PTDSS1: variants seen among roughly 807,000 people sequenced by gnomAD.
PTDSS1 encodes phosphatidylserine synthase 1.
A neutral mutation model predicts 70.5 loss-of-function variants in PTDSS1; 45 were observed. That is an observed-to-expected ratio of 0.64 (90% confidence interval 0.50 to 0.82). PTDSS1 has a LOEUF of 0.82. Among genes scored for constraint, PTDSS1 ranks in the 40% least tolerant of loss-of-function variants. The pLI, the probability that PTDSS1 is intolerant of heterozygous loss-of-function variation, is 0.00. For synonymous variants in PTDSS1, 188 were observed against 203.8 expected (o/e 0.92, Z 0.66); for missense variants, 417 against 586.1 (o/e 0.71, Z 2.98).
chr8:96,292,907 T>C (rs976951592), intron 4 of PTDSS1, among the ~76,000 whole-genome samples: 2 of 152,182 alleles, frequency 1.3e-5, no homozygotes, highest in African/African-American at 4.8e-5. Flanking sequence ...AAGCAAATAA[T>C]TTCCAAAGAG....
intron 8 of PTDSS1, 27 bp downstream of exon 8, chr8:96,306,583 T>C (rs759918491): frequency 7.3e-6 from 11 of 1,509,852 alleles, no homozygotes; most frequent in Non-Finnish European, 1.0e-5. Flanking sequence ...CTGACTGTCA[T>C]ATGAGAACAT....
rs1476854796 is a variant in PTDSS1 at position 96,304,141 on chromosome 8, A to G, written c.854A>G (p.Gln285Arg). Residue 285 changes from glutamine (Q) to arginine (R), a missense_variant, in exon 7 of 13, where the codon CAG (glutamine) becomes CGG (arginine). Physicochemically the swap from Gln to Arg is conservative, Grantham distance 43. This residue lies in a region of PTDSS1 where 272 missense variants were observed against 429.5 expected (regional missense o/e 0.63). Transcript: ENST00000517309. ...VRWFDPKSSF[Q>R]RVAGVYLFMI... ...TGGTTTGACCCCAAATCTTCTTTTCAGAGAGTAGCTGGAGTGTACCTTTTC... is the reference window on the plus strand; with the variant it reads ...TGGTTTGACCCCAAATCTTCTTTTCGGAGAGTAGCTGGAGTGTACCTTTTC... 1.9e-6 allele frequency: 3 copies of G among 1,614,036 alleles called. No homozygotes were observed. The highest frequency in any genetic ancestry group is 8.5e-7 in the Non-Finnish European group (1 of 1,179,962).
At chr8:96,275,358 A>C (rs2130014575) in intron 2 of PTDSS1, among the ~76,000 whole-genome samples, 1 of 152,212 alleles carries the variant, frequency 6.6e-6, no homozygotes, top group South Asian at 2.1e-4. Context: ...ATGGGGTCTC[A>C]CTATGTTGCC....
At position 96,325,635 on chromosome 8, in the gene PTDSS1, T is replaced by C. The variant is rs555987160; in HGVS notation, c.1174-4578T>C. 7.9e-5 allele frequency among the ~76,000 whole-genome samples: 12 copies of C among 152,250 alleles called. No individual in the cohort carries two copies. In the East Asian group the frequency reaches 1.9e-3, roughly 24 times the overall value. The stretch of plus-strand genomic sequence containing the variant: ...GCCTCTGCGGCTGTCAGGACACCCA[T>C]TTTCTTGCCATTCTGCCCTCCAAAT... On this transcript the variant is annotated intron_variant, in intron 10 of 12. Coordinates refer to ENST00000517309, the MANE Select transcript of PTDSS1 (RefSeq NM_014754.3).
intron 4 of PTDSS1, chr8:96,287,371 CA>C (rs1384310590): frequency 1.9e-6 from 1 of 521,296 alleles, no homozygotes; most frequent in Non-Finnish European, 3.3e-6. Flanking sequence ...AGGAAGAATG[CA>C]CACTTTATCG....
intron 9 of PTDSS1, 30 bp from the exon 10 acceptor site, chr8:96,320,216 A>C: frequency 6.5e-7 from 1 of 1,528,530 alleles, no homozygotes; most frequent in Non-Finnish European, 9.1e-7. Context: ...AGATGGATTA[A>C]TACTTAACCT....
intron 10 of PTDSS1, among the ~76,000 whole-genome samples, chr8:96,329,237 C>T (rs914267875): frequency 2.0e-5 from 3 of 152,180 alleles, no homozygotes; most frequent in African/African-American, 7.2e-5. Flanking sequence ...GGAGGCTCAA[C>T]AGCCAGGATG....
chr8:96,291,353 T>C (rs777422422), intron 4 of PTDSS1, among the ~76,000 whole-genome samples: 3 of 152,202 alleles, frequency 2.0e-5, no homozygotes, highest in Non-Finnish European at 4.4e-5. Context: ...AGTGTCAGTA[T>C]TATTGACACA....
At chr8:96,328,967 G>T (rs1250362499) in intron 10 of PTDSS1, among the ~76,000 whole-genome samples, 7 of 152,154 alleles carry the variant, frequency 4.6e-5, no homozygotes, top group Non-Finnish European at 8.8e-5. Context: ...CAGATCCGGG[G>T]GTTTCAAGAG....
intron 12 of PTDSS1, among the ~76,000 whole-genome samples, chr8:96,332,367 G>A (rs1262687861): frequency 1.3e-5 from 2 of 152,140 alleles, no homozygotes; most frequent in Admixed American, 6.5e-5. Context: ...TCAGAGAAAC[G>A]GTGGGCCAAT....
chr8:96,294,949 C>T (rs1226520372), intron 4 of PTDSS1, 149 bp from the exon 5 acceptor site: 4 of 709,660 alleles, frequency 5.6e-6, no homozygotes, highest in South Asian at 2.8e-5. Context: ...CCCTCAAGGC[C>T]CTTAAGTTAT....
intron 4 of PTDSS1, among the ~76,000 whole-genome samples, chr8:96,291,534 A>G (rs1247648390): frequency 6.6e-6 from 1 of 151,856 alleles, no homozygotes; most frequent in Non-Finnish European, 1.5e-5. Flanking sequence ...CGCTTCGTAA[A>G]TGTTCTGTAT....
chr8:96,270,886 T>C (rs1384591256), intron 1 of PTDSS1, among the ~76,000 whole-genome samples: 3 of 152,216 alleles, frequency 2.0e-5, no homozygotes, highest in South Asian at 4.1e-4. Context: ...AAAACTGCCA[T>C]TTCATTGGTT....
At chr8:96,298,784 C>A (rs189851185) in intron 5 of PTDSS1, among the ~76,000 whole-genome samples, 7 of 152,158 alleles carry the variant, frequency 4.6e-5, no homozygotes, top group Non-Finnish European at 7.4e-5. Context: ...GGATAAACAT[C>A]TGATCCCAGC....
At position 96,262,543 on chromosome 8, in the gene PTDSS1, CCCT is replaced by C. The variant is rs1363483092; in HGVS notation, c.179+329_179+331del. ...CTCCACACAACATCACGACGCGGGC[CCCT>C]CCTCTGCACTGCTCCAGCCTTCGTC... is the stretch of plus-strand genomic sequence containing the variant. On this transcript the variant is annotated intron_variant, in intron 1 of 12. Coordinates refer to ENST00000517309, the MANE Select transcript of PTDSS1 (RefSeq NM_014754.3). This position sits in a 1 kb window ranked among gnomAD's most constrained non-coding sequence, Gnocchi z 4.4. Among the ~76,000 whole-genome samples the C allele has an allele frequency of 6.6e-6, 1 of 152,160 alleles. No individual in the cohort carries two copies. Among genetic ancestry groups the C allele is most frequent in the Non-Finnish European group, 1.5e-5 (1 of 68,018 alleles).
chr8:96,291,365 G>GCC (rs1322929705), intron 4 of PTDSS1, among the ~76,000 whole-genome samples: 1 of 151,968 alleles, frequency 6.6e-6, no homozygotes. Context: ...ATTGACACAG[G>GCC]CCCAAACTTG....
At chr8:96,333,372 C>G (rs1257608162) in intron 12 of PTDSS1, 85 bp from the exon 13 acceptor site, 1 of 1,238,726 alleles carries the variant, frequency 8.1e-7, no homozygotes, top group Admixed American at 1.8e-5. Flanking sequence ...AACCTGTTCC[C>G]CGGCAAGCCT....
intron 2 of PTDSS1, among the ~76,000 whole-genome samples, chr8:96,278,158 T>C (rs1329830908): frequency 4.6e-5 from 7 of 152,198 alleles, no homozygotes; most frequent in Non-Finnish European, 1.0e-4. Context: ...TTTACTTGAG[T>C]AGAGACCCCT....
intron 1 of PTDSS1, among the ~76,000 whole-genome samples, chr8:96,270,413 A>G (rs908363894): frequency 6.6e-6 from 1 of 152,228 alleles, no homozygotes; most frequent in African/African-American, 2.4e-5. Context: ...GACTCACACC[A>G]GACCTTATAG....
Sources: allele counts gnomAD v4.1 joint callset (sites outside exome capture counted in the v4.1 genomes callset), GRCh38; gene constraint gnomAD v4.1.1; regional missense constraint gnomAD v4.1.1; non-coding constraint Gnocchi (gnomAD v3.1); transcripts MANE v1.5; gene names NCBI Gene and HGNC (gene_info 2026-07-23, HGNC 2026-07-21).